The following ARCN1 variants were observed in gnomAD, a reference collection of about 807,000 sequenced individuals.
ARCN1 encodes the protein archain 1 coat protein complex I subunit delta, also known as coatomer subunit delta.
Under a neutral mutation model 60.4 loss-of-function variants are expected in ARCN1, and 5 were observed. The observed-to-expected ratio is 0.08, with a 90% CI of 0.04 to 0.17. ARCN1 has a LOEUF of 0.17. ARCN1 is among the 10% of genes least tolerant of loss of function. The pLI is 1.00. For synonymous variants in ARCN1, 224 were observed against 220.0 expected (o/e 1.02, Z -0.16); for missense variants, 464 against 626.5 (o/e 0.74, Z 2.77).
intron 8 of ARCN1, 26 bp downstream of exon 8, chr11:118,593,724 C>T (rs374613105): frequency 8.0e-6 from 12 of 1,500,520 alleles, no homozygotes; most frequent in South Asian, 7.9e-5. Context: ...GTGTCCTCTA[C>T]GGTGGACTTA....
Position 118,583,975 on chromosome 11 carries a change from T to C in ARCN1, c.614T>C (p.Ile205Thr), listed in dbSNP as rs1461596127. Reference sequence around the variant, plus strand: ...GCTGCCATGATCACAGAGACCATCATTGAAACTGATAAACCAAAAGTGGCA... The same window carrying C: ...GCTGCCATGATCACAGAGACCATCACTGAAACTGATAAACCAAAAGTGGCA... The part of the protein sequence containing the change: ...STAAMITETI[I>T]ETDKPKVAPA... Residue 205 changes from isoleucine to threonine, a missense_variant, in exon 4 of 10, where the codon ATT becomes ACT. By Grantham distance (89) the Ile-to-Thr change is moderately conservative. This residue lies in a region of ARCN1 where 359 missense variants were observed against 440.2 expected (regional missense o/e 0.82). Transcript: ENST00000264028. The C allele has an allele frequency of 1.5e-5, 24 of 1,614,084 alleles. No individual in the cohort carries two copies. The highest frequency in any genetic ancestry group is 2.7e-5 in the African/African-American group (2 of 74,934).
chr11:118,572,432 A>T lies in ARCN1; in HGVS notation c.-116A>T, dbSNP rs1165208626. On this transcript the variant is annotated 5_prime_UTR_variant, in exon 1 of 10. Coordinates refer to ENST00000264028, the MANE Select transcript of ARCN1 (RefSeq NM_001655.5). The stretch of plus-strand genomic sequence containing the variant: ...CCATCTTGGCAAGAGGCGAAGCGGC[A>T]GCGGTTCCTGTCAAGGGGGCAGCAG... 4.3e-6 allele frequency: 4 copies of T among 932,402 alleles called. No individual in the cohort carries two copies. Among genetic ancestry groups the T allele is most frequent in the Non-Finnish European group, 5.8e-6 (4 of 687,914 alleles). 57.8% of individuals were successfully genotyped at this position (932,402 alleles called of 1,614,324 possible).
rs782702719 is a variant in ARCN1 at position 118,600,661 on chromosome 11, G to A, written c.1483G>A (p.Val495Ile). 2.4e-5 allele frequency: 38 copies of A among 1,611,890 alleles called. No homozygotes were observed. Among genetic ancestry groups the A allele is most frequent in the South Asian group, 2.1e-4 (19 of 90,860 alleles). The change falls in exon 10 of 10, where the codon GTC (valine) becomes ATC (isoleucine). Residue 495 changes from valine (V) to isoleucine (I), a missense_variant. Coordinates refer to ENST00000264028, the MANE Select transcript of ARCN1 (RefSeq NM_001655.5). ...KVTQVDGNSPVRFSTETTFLV... is the reference protein window; with the variant it reads ...KVTQVDGNSPIRFSTETTFLV... ...GACCCAGGTAGATGGAAACAGCCCC[G>A]TCAGGTTTTCCACAGAGACCACTTT...
intron 1 of ARCN1, among the ~76,000 whole-genome samples, chr11:118,574,739 C>T (rs1421837651): frequency 6.6e-6 from 1 of 150,638 alleles, no homozygotes; most frequent in Non-Finnish European, 1.5e-5. Context: ...AAATAAAGTA[C>T]AAAGAAAGGC....
At position 118,589,757 on chromosome 11, in the gene ARCN1, A is replaced by G. The variant is rs961406191; in HGVS notation, c.819-584A>G. 5.9e-5 allele frequency among the ~76,000 whole-genome samples: 9 copies of G among 152,246 alleles called. No individual in the cohort carries two copies. The South Asian group carries it at 1.9e-3, about 32-fold the overall frequency. Reference sequence around the variant, plus strand: ...TTTGAGCAGCCCCCTATTGGCAGACATGTTTCTAAACTTTTGCCATTACAA... The same window carrying G: ...TTTGAGCAGCCCCCTATTGGCAGACGTGTTTCTAAACTTTTGCCATTACAA... On this transcript the variant is annotated intron_variant, in intron 5 of 9. Coordinates refer to ENST00000264028, the MANE Select transcript of ARCN1 (RefSeq NM_001655.5).
Position 118,597,834 on chromosome 11 carries a change from A to G in ARCN1, c.1369A>G (p.Ser457Gly), listed in dbSNP as rs1555077455. The G allele has an allele frequency of 1.9e-6, 3 of 1,614,058 alleles. No individual in the cohort carries two copies. Among genetic ancestry groups the G allele is most frequent in the Non-Finnish European group, 2.5e-6 (3 of 1,180,048 alleles). The part of the protein sequence containing the change: ...AKNKSGSLEF[S>G]IAGQPNDFFP... ...AAATAAGAGTGGCAGCCTGGAGTTT[A>G]GCATTGCTGGGCAGCCCAATGACTT... is the stretch of plus-strand genomic sequence containing the variant. Residue 457 changes from serine to glycine, a missense_variant, in exon 9 of 10, where the codon AGC (serine) becomes GGC (glycine). Around this residue, in one of 2 missense-constraint regions of ARCN1, gnomAD observed 359 missense variants for 440.2 expected, o/e 0.82. Coordinates refer to ENST00000264028, the MANE Select transcript of ARCN1 (RefSeq NM_001655.5).
intron 1 of ARCN1, among the ~76,000 whole-genome samples, chr11:118,576,248 C>G (rs1938498003): frequency 6.6e-6 from 1 of 151,066 alleles, no homozygotes; most frequent in East Asian, 1.9e-4. Context: ...TGTACTCAAA[C>G]CATGTAAGAA....
At chr11:118,583,146 A>T in intron 2 of ARCN1, 33 bp from the exon 3 acceptor site, 1 of 1,607,600 alleles carries the variant, frequency 6.2e-7, no homozygotes, top group Non-Finnish European at 8.5e-7. Context: ...GATAAATTCT[A>T]AATCTTTCTT....
At position 118,602,034 on chromosome 11, in the gene ARCN1, G is replaced by A. The variant is rs1476552795; in HGVS notation, c.*1320G>A. 1.2e-5 allele frequency: 4 copies of A among 334,542 alleles called. No individual in the cohort carries two copies. The highest frequency in any genetic ancestry group is 2.2e-5 in the Non-Finnish European group (4 of 181,444). 20.7% of individuals were successfully genotyped at this position (334,542 alleles called of 1,614,324 possible). On this transcript the variant is annotated 3_prime_UTR_variant, in exon 10 of 10. Coordinates refer to ENST00000264028, the MANE Select transcript of ARCN1 (RefSeq NM_001655.5). The stretch of plus-strand genomic sequence containing the variant: ...TCCCCTCCTTTCTAACAGAAATGGG[G>A]TTATGATTTTGAAGGCTGTGGGTTC...
chr11:118,579,360 T>A (rs1314829830), intron 1 of ARCN1, among the ~76,000 whole-genome samples: 1 of 151,980 alleles, frequency 6.6e-6, no homozygotes, highest in African/African-American at 2.4e-5. Context: ...TTTTTGCCAA[T>A]TGTATAAACT....
At chr11:118,588,550 T>C (rs1938825410) in intron 5 of ARCN1, among the ~76,000 whole-genome samples, 1 of 152,224 alleles carries the variant, frequency 6.6e-6, no homozygotes, top group Non-Finnish European at 1.5e-5. Flanking sequence ...GATACAATTA[T>C]TGTATCATTG....
At chr11:118,593,852 G>T in intron 8 of ARCN1, 154 bp downstream of exon 8, 1 of 512,010 alleles carries the variant, frequency 2.0e-6, no homozygotes, top group Non-Finnish European at 3.5e-6. Context: ...AAGGCTGCAT[G>T]TTATGTGATT....
rs369580858 is a variant in ARCN1 at position 118,601,251 on chromosome 11, G to A, written c.*537G>A. On this transcript the variant is annotated 3_prime_UTR_variant, in exon 10 of 10. Transcript: ENST00000264028. ...TAATTTTTTGTATTTTAGTAGAGAC[G>A]GGGTTTCACCGTGTTGCCCAGGCTG... 1,030 of 320,988 alleles carry A rather than the reference G, an allele frequency of 3.2e-3. 10 individuals are homozygous for A. Among genetic ancestry groups the A allele is most frequent in the African/African-American group, 0.02 (900 of 44,356 alleles). 19.9% of individuals were successfully genotyped at this position (320,988 alleles called of 1,614,324 possible).
rs1939150448 is a variant in ARCN1, at chr11:118,601,618, G to A, written c.*904G>A. On this transcript the variant is annotated 3_prime_UTR_variant, in exon 10 of 10. Coordinates refer to ENST00000264028, the MANE Select transcript of ARCN1 (RefSeq NM_001655.5). ...TCAGGTGAACTATTTGAGGGGTATG[G>A]GGTCTAGAAGTTAAAAGATACGCAT... is the stretch of plus-strand genomic sequence containing the variant. 1.4e-6 allele frequency: 1 copy of A among 702,756 alleles called. No individual in the cohort carries two copies. Among genetic ancestry groups the A allele is most frequent in the South Asian group, 1.5e-5 (1 of 67,596 alleles). The allele number at this position is 702,756 out of a possible 1,614,324, so 43.5% of individuals were successfully genotyped here.
At chr11:118,590,620 A>G (rs1473204226) in intron 6 of ARCN1, 114 bp downstream of exon 6, 2 of 1,099,830 alleles carry the variant, frequency 1.8e-6, no homozygotes, top group South Asian at 3.1e-5. Flanking sequence ...TATAACTAGC[A>G]TCACTCTAAA....
intron 8 of ARCN1, among the ~76,000 whole-genome samples, chr11:118,596,054 G>A (rs929846608): frequency 9.9e-5 from 15 of 150,926 alleles, no homozygotes; most frequent in African/African-American, 3.4e-4. Context: ...GTGACAGAGC[G>A]AGATTCCGTC....
At chr11:118,597,631 C>A in intron 8 of ARCN1, 76 bp from the exon 9 acceptor site, 1 of 1,532,784 alleles carries the variant, frequency 6.5e-7, no homozygotes, top group Non-Finnish European at 8.9e-7. Flanking sequence ...GATCATATAT[C>A]AAATTTGGGG....
chr11:118,597,963 A>G (rs1939066483), intron 9 of ARCN1, 52 bp downstream of exon 9: 1 of 1,581,628 alleles, frequency 6.3e-7, no homozygotes, highest in Non-Finnish European at 8.7e-7. Context: ...GGACAGTAGG[A>G]ACACGTATAG....
At chr11:118,584,337 A>G in intron 4 of ARCN1, 143 bp from the exon 5 acceptor site, 1 of 742,268 alleles carries the variant, frequency 1.3e-6, no homozygotes, top group East Asian at 2.8e-5. Context: ...ATTTTAGGGG[A>G]AATCTGTGAA....
Sources: gnomAD v4.1 joint callset for allele counts (sites outside exome capture counted in the v4.1 genomes callset) on GRCh38, gnomAD v4.1.1 for gene constraint, gnomAD v4.1.1 regional missense constraint, MANE v1.5 for transcripts, NCBI Gene and HGNC (gene_info 2026-07-23, HGNC 2026-07-21) for gene names.